Variants in TRIM24 observed in about 807,000 individuals in gnomAD.
The protein encoded by TRIM24 is transcription intermediary factor 1-alpha.
Under a neutral mutation model 123.9 loss-of-function variants are expected in TRIM24, and 29 were observed. That is an observed-to-expected ratio of 0.23 (90% CI 0.17 to 0.32). TRIM24 has a LOEUF of 0.32. Among genes scored for constraint, TRIM24 ranks in the 10% least tolerant of loss-of-function variants. TRIM24 has a pLI of 1.00. For synonymous variants in TRIM24, 456 were observed against 461.1 expected, an observed-to-expected ratio of 0.99 and a Z score of 0.14; for missense variants, 932 against 1,295.3, an observed-to-expected ratio of 0.72 and a Z score of 4.31.
At chr7:138,481,815 A>G (rs1196169763) in intron 1 of TRIM24, among the ~76,000 whole-genome samples, 1 of 151,918 alleles carries the variant, frequency 6.6e-6, no homozygotes, top group Non-Finnish European at 1.5e-5. Flanking sequence ...CCTGTCTCCA[A>G]AAAAAAAGAA....
intron 7 of TRIM24, among the ~76,000 whole-genome samples, chr7:138,539,530 T>C (rs1282760269): frequency 1.3e-5 from 2 of 152,280 alleles, no homozygotes; most frequent in South Asian, 2.1e-4. Flanking sequence ...GTAACAAAGA[T>C]ATAGAAGACA....
intron 1 of TRIM24, among the ~76,000 whole-genome samples, chr7:138,498,653 C>T (rs1306341856): frequency 2.0e-5 from 3 of 150,784 alleles, no homozygotes; most frequent in Non-Finnish European, 3.0e-5. Flanking sequence ...TTTTCTTTTT[C>T]TTTTTTTTCC....
chr7:138,559,242 C>T (rs1487297242), intron 9 of TRIM24, among the ~76,000 whole-genome samples: 1 of 152,100 alleles, frequency 6.6e-6, no homozygotes, highest in Non-Finnish European at 1.5e-5. Flanking sequence ...AAATATAGTA[C>T]AGCAGAGTCC....
chr7:138,473,601 A>G (rs1376948710), intron 1 of TRIM24, among the ~76,000 whole-genome samples: 1 of 152,224 alleles, frequency 6.6e-6, no homozygotes, highest in Non-Finnish European at 1.5e-5. Flanking sequence ...TTAGATTGGC[A>G]TCCACTGATT....
intron 1 of TRIM24, 39 bp from the exon 2 acceptor site, chr7:138,504,251 T>C: frequency 1.4e-6 from 2 of 1,400,758 alleles, no homozygotes; most frequent in Non-Finnish European, 2.0e-6. Context: ...ACTCAGTATA[T>C]TTGTATTAAA....
At chr7:138,476,332 C>T (rs1017258524) in intron 1 of TRIM24, among the ~76,000 whole-genome samples, 3 of 152,160 alleles carry the variant, frequency 2.0e-5, no homozygotes, top group African/African-American at 7.2e-5. Flanking sequence ...TGGTGGCTCA[C>T]GCCTGTAATC....
At chr7:138,491,838 A>C (rs1456059831) in intron 1 of TRIM24, among the ~76,000 whole-genome samples, 1 of 152,050 alleles carries the variant, frequency 6.6e-6, no homozygotes, top group Non-Finnish European at 1.5e-5. Context: ...TTATTTATTT[A>C]ATTTTTTGGA....
chr7:138,473,967 C>G (rs1303973234), intron 1 of TRIM24, among the ~76,000 whole-genome samples: 3 of 151,846 alleles, frequency 2.0e-5, no homozygotes. Context: ...GACGGGATCT[C>G]CCTACATTGC....
chr7:138,478,756 G>A (rs1192708196), intron 1 of TRIM24, among the ~76,000 whole-genome samples: 1 of 152,152 alleles, frequency 6.6e-6, no homozygotes, highest in Non-Finnish European at 1.5e-5. Flanking sequence ...GGTGTTCTTG[G>A]CATCAAGACA....
intron 6 of TRIM24, among the ~76,000 whole-genome samples, chr7:138,532,616 C>G (rs1796771832): frequency 6.6e-6 from 1 of 152,228 alleles, no homozygotes; most frequent in South Asian, 2.1e-4. Flanking sequence ...GTTACTGTAG[C>G]CTTGTAGTAA....
Position 138,548,692 on chromosome 7 carries a change from T to TA in TRIM24, c.1144-2368dup, listed in dbSNP as rs1396976420. ...TAACTTTATAAACTTTTTAATTTTT[T>TA]AAATGTTTTGATTTTTGTAATAACC... On this transcript the variant is annotated intron_variant, in intron 7 of 18. Transcript: ENST00000343526. Among the ~76,000 whole-genome samples, 5 of 152,360 alleles carry TA rather than the reference T, an allele frequency of 3.3e-5. No homozygotes were observed. The East Asian group carries it at 9.6e-4, about 29-fold the overall frequency.
At chr7:138,495,313 A>G (rs7780581) in intron 1 of TRIM24, among the ~76,000 whole-genome samples, 3,566 of 152,298 alleles carry the variant, frequency 0.023, 143 homozygotes, top group African/African-American at 0.081. Context: ...GAACCTACAA[A>G]ATGTATCGAA....
At chr7:138,490,846 G>A (rs904003672) in intron 1 of TRIM24, 7 of 458,568 alleles carry the variant, frequency 1.5e-5, no homozygotes, top group East Asian at 5.8e-5. Flanking sequence ...GTCTGTACCT[G>A]TCAGGTCATG....
chr7:138,510,610 C>T (rs998264987), intron 2 of TRIM24, among the ~76,000 whole-genome samples: 59 of 152,066 alleles, frequency 3.9e-4, no homozygotes, highest in African/African-American at 1.2e-3. Context: ...TTAGTAGAGA[C>T]AGGGTTTCAC....
In TRIM24 at chr7:138,466,920, G is replaced by GT. The variant is rs1795154852; in HGVS notation, c.364+6012dup. Among the ~76,000 whole-genome samples the GT allele has an allele frequency of 2.6e-5, 4 of 151,960 alleles. No individual in the cohort carries two copies. The South Asian group carries it at 8.3e-4, about 31-fold the overall frequency. ...CACTTTTTAACCCAGCATTTTTATA[G>GT]TTTTAGCTTTAAAATATAAACCTGT... is the stretch of plus-strand genomic sequence containing the variant. On this transcript the variant is annotated intron_variant, in intron 1 of 18. Transcript: ENST00000343526.
intron 11 of TRIM24, among the ~76,000 whole-genome samples, chr7:138,571,421 A>G (rs1273408888): frequency 2.6e-5 from 4 of 152,260 alleles, no homozygotes; most frequent in African/African-American, 9.6e-5. Context: ...GTAAAAATAA[A>G]AAGATTATGA....
chr7:138,495,217 A>C (rs1352158794), intron 1 of TRIM24, among the ~76,000 whole-genome samples: 2 of 152,218 alleles, frequency 1.3e-5, no homozygotes, highest in African/African-American at 4.8e-5. Context: ...CTTTTTAATA[A>C]GTTTTTGACT....
intron 1 of TRIM24, among the ~76,000 whole-genome samples, chr7:138,482,758 GT>G (rs970703602): frequency 2.0e-5 from 3 of 151,620 alleles, no homozygotes; most frequent in African/African-American, 2.4e-5. Context: ...AATGTGTGGG[GT>G]TTTTTTTCCT....
At chr7:138,476,084 GTTAGGAGCATATTAATAA>G (rs1204072334) in intron 1 of TRIM24, among the ~76,000 whole-genome samples, 1 of 152,082 alleles carries the variant, frequency 6.6e-6, no homozygotes, top group African/African-American at 2.4e-5. Context: ...GTCATTAAGA[GTTAGGAGCATATTAATAA>G]TAGAAGACCT....
Sources: allele counts gnomAD v4.1 joint callset (sites outside exome capture counted in the v4.1 genomes callset), GRCh38; gene constraint gnomAD v4.1.1; transcripts MANE v1.5; gene names NCBI Gene and HGNC (gene_info 2026-07-23, HGNC 2026-07-21).